Variants in CACNG2 observed in about 807,000 individuals in gnomAD.
CACNG2 encodes calcium voltage-gated channel auxiliary subunit gamma 2, also known as voltage-dependent calcium channel gamma-2 subunit.
In CACNG2, 3 loss-of-function variants were observed where a neutral mutation model predicts 25.9. The observed-to-expected ratio is 0.12, with a 90% CI of 0.05 to 0.30. CACNG2 has a LOEUF of 0.30. CACNG2 is among the 10% of genes least tolerant of loss of function. CACNG2 has a pLI of 1.00. For missense variants in CACNG2, 341 were observed against 432.5 expected, an observed-to-expected ratio of 0.79 and a Z score of 1.88; for synonymous variants, 167 against 173.3, an observed-to-expected ratio of 0.96 and a Z score of 0.29.
At chr22:36,637,727 G>A (rs1280057900) in intron 1 of CACNG2, among the ~76,000 whole-genome samples, 1 of 152,286 alleles carries the variant, frequency 6.6e-6, no homozygotes, top group East Asian at 1.9e-4. Context: ...TTAGAATCTT[G>A]TCTGTTTCCT....
At chr22:36,595,007 TGAA>T (rs1935656543) in intron 1 of CACNG2, among the ~76,000 whole-genome samples, 1 of 147,682 alleles carries the variant, frequency 6.8e-6, no homozygotes, top group Non-Finnish European at 1.5e-5. Flanking sequence ...CAGGGTGAGA[TGAA>T]GTCTGCATAT....
chr22:36,618,343 G>T (rs568512522), intron 1 of CACNG2, among the ~76,000 whole-genome samples: 3 of 152,308 alleles, frequency 2.0e-5, no homozygotes, highest in Admixed American at 1.3e-4. Flanking sequence ...TGCAGAGGCT[G>T]CCCCAGTCTG....
At chr22:36,565,623 T>C (rs541531964) in intron 3 of CACNG2, among the ~76,000 whole-genome samples, 1 of 152,238 alleles carries the variant, frequency 6.6e-6, no homozygotes, top group African/African-American at 2.4e-5. Flanking sequence ...GGATTATGTA[T>C]GCGTCACCAT....
rs528211604 is a variant in CACNG2, at chr22:36,679,223, T to C, written c.211+23143A>G. Among the ~76,000 whole-genome samples the C allele has an allele frequency of 3.7e-3, 531 of 143,912 alleles. 5 individuals carry two copies. The highest frequency in any genetic ancestry group is 0.012 in the African/African-American group (492 of 39,428). The allele number at this position is 143,912 out of a possible 152,430, so 94.4% of individuals were successfully genotyped here. A position where few individuals can be genotyped will look rare whatever the true frequency, so the allele number is the denominator to read the frequency against. On this transcript the variant is annotated intron_variant, in intron 1 of 3. Coordinates refer to ENST00000300105, the MANE Select transcript of CACNG2 (RefSeq NM_006078.5). ...CTTTCTTTCTTTCTTTCTTTCTTTC[T>C]TTCTTTCCTTCTTTCTTTCTTTCTT... is the stretch of plus-strand genomic sequence containing the variant.
At chr22:36,655,753 T>TCTTC (rs149639125) in intron 1 of CACNG2, among the ~76,000 whole-genome samples, 4,099 of 143,458 alleles carry the variant, frequency 0.029, 101 homozygotes, top group Middle Eastern at 0.086. Flanking sequence ...TTTCTTCCTT[T>TCTTC]CTTTCTTTCT....
rs1199470384 is a variant in CACNG2, at chr22:36,562,275, C to T, written c.*2076G>A. The T allele has an allele frequency of 6.6e-6, 1 of 152,366 alleles. No individual in the cohort carries two copies. Among genetic ancestry groups the T allele is most frequent in the African/African-American group, 2.4e-5 (1 of 41,166 alleles). 9.4% of individuals were successfully genotyped at this position (152,366 alleles called of 1,614,324 possible). ...TTGGTGGCAGCTGTCCTGGTCATCC[C>T]TGGCATATCCTCGGGGCAGGTGGCA... is the stretch of plus-strand genomic sequence containing the variant. On this transcript the variant is annotated 3_prime_UTR_variant, in exon 4 of 4. Transcript: ENST00000300105.
chr22:36,572,930 A>G (rs897559594), intron 2 of CACNG2, among the ~76,000 whole-genome samples: 4 of 152,226 alleles, frequency 2.6e-5, no homozygotes, highest in Non-Finnish European at 4.4e-5. Flanking sequence ...CATGAGAGAC[A>G]TGAGGGGTCC....
intron 1 of CACNG2, among the ~76,000 whole-genome samples, chr22:36,700,093 G>A (rs1937391955): frequency 6.6e-6 from 1 of 152,264 alleles, no homozygotes; most frequent in Admixed American, 6.5e-5. Flanking sequence ...CTGCCCGGGG[G>A]TAGTGAGGCC....
intron 1 of CACNG2, among the ~76,000 whole-genome samples, chr22:36,589,537 T>C (rs1183259959): frequency 1.3e-5 from 2 of 152,198 alleles, no homozygotes; most frequent in African/African-American, 4.8e-5. Context: ...TCTCTGTAAC[T>C]CCCTTTCACA....
chr22:36,702,658 A>T lies in CACNG2; in HGVS notation c.-82T>A. 1 of 909,930 alleles carries T rather than the reference A, an allele frequency of 1.1e-6. No homozygotes were observed. The allele number at this position is 909,930 out of a possible 1,614,324, so 56.4% of individuals were successfully genotyped here. On this transcript the variant is annotated 5_prime_UTR_variant, in exon 1 of 4. Coordinates refer to ENST00000300105, the MANE Select transcript of CACNG2 (RefSeq NM_006078.5). ...AGGGTGCAAGTACTAAAGCCAAAAA[A>T]AATAAATAAAAATAAAAATTATTCC... is the stretch of plus-strand genomic sequence containing the variant.
chr22:36,632,895 G>A (rs537781891), intron 1 of CACNG2, among the ~76,000 whole-genome samples: 1 of 151,896 alleles, frequency 6.6e-6, no homozygotes, highest in Non-Finnish European at 1.5e-5. Context: ...CTTTTCCTGG[G>A]CTATAAGACC....
chr22:36,697,095 A>C (rs1465667171), intron 1 of CACNG2, among the ~76,000 whole-genome samples: 1 of 152,204 alleles, frequency 6.6e-6, no homozygotes, highest in African/African-American at 2.4e-5. Flanking sequence ...CTCCAAAATG[A>C]AAGGACAAAA....
At chr22:36,604,364 G>T (rs1266305700) in intron 1 of CACNG2, among the ~76,000 whole-genome samples, 1 of 152,206 alleles carries the variant, frequency 6.6e-6, no homozygotes, top group Non-Finnish European at 1.5e-5. Context: ...CTGAAATGAT[G>T]ATAAAGTATT....
chr22:36,669,624 C>T (rs542329220), intron 1 of CACNG2, among the ~76,000 whole-genome samples: 8 of 151,982 alleles, frequency 5.3e-5, no homozygotes, highest in South Asian at 2.1e-4. Context: ...TGTGCATGTA[C>T]GCGCATGAGT....
At chr22:36,601,804 T>C (rs1285585614) in intron 1 of CACNG2, among the ~76,000 whole-genome samples, 1 of 152,170 alleles carries the variant, frequency 6.6e-6, no homozygotes, top group Non-Finnish European at 1.5e-5. Context: ...CATTACAAGG[T>C]GGTGATTTCA....
chr22:36,595,943 T>C (rs954322885), intron 1 of CACNG2, among the ~76,000 whole-genome samples: 9 of 152,222 alleles, frequency 5.9e-5, no homozygotes, highest in African/African-American at 1.4e-4. Flanking sequence ...TTGCAGGTAT[T>C]AAGTAGTTTA....
intron 1 of CACNG2, among the ~76,000 whole-genome samples, chr22:36,688,215 T>A (rs1937225377): frequency 6.6e-6 from 1 of 152,102 alleles, no homozygotes; most frequent in Non-Finnish European, 1.5e-5. Flanking sequence ...TCTTCTTATA[T>A]CTCTGGTCAC....
At chr22:36,587,898 C>T (rs1935530049) in intron 1 of CACNG2, among the ~76,000 whole-genome samples, 1 of 152,242 alleles carries the variant, frequency 6.6e-6, no homozygotes, top group Non-Finnish European at 1.5e-5. Flanking sequence ...CGTCTCTGTG[C>T]CCCAGCATAG....
At chr22:36,609,532 G>C (rs112213986) in intron 1 of CACNG2, among the ~76,000 whole-genome samples, 3 of 138,228 alleles carry the variant, frequency 2.2e-5, no homozygotes, top group Admixed American at 7.2e-5. Context: ...GATCGGGCAG[G>C]AATCAGCCCC....
Sources: gnomAD v4.1 joint callset for allele counts (sites outside exome capture counted in the v4.1 genomes callset) on GRCh38, gnomAD v4.1.1 for gene constraint, MANE v1.5 for transcripts, NCBI Gene and HGNC (gene_info 2026-07-23, HGNC 2026-07-21) for gene names.